Variants in RYR1 observed in about 807,000 individuals in gnomAD.
RYR1 encodes central core disease of muscle.
A neutral mutation model predicts 583.5 loss-of-function variants in RYR1; 342 were observed. The observed-to-expected ratio is 0.59, with a 90% CI of 0.54 to 0.64. The LOEUF (loss-of-function observed/expected upper bound fraction) is 0.64, where lower values mean the gene tolerates loss of function less well. RYR1 is among the 30% of genes least tolerant of loss of function. The pLI is 0.00. For synonymous variants in RYR1, 2,791 were observed against 2,822.5 expected, an observed-to-expected ratio of 0.99 and a Z score of 0.35; for missense variants, 6,032 against 6,917.2, an observed-to-expected ratio of 0.87 and a Z score of 4.54.
At chr19:38,585,373 T>G (rs1056555860) in intron 102 of RYR1, among the ~76,000 whole-genome samples, 9 of 147,622 alleles carry the variant, frequency 6.1e-5, no homozygotes, top group East Asian at 2.0e-4. Flanking sequence ...GCCTGAGATA[T>G]ATATATATAT....
intron 87 of RYR1, among the ~76,000 whole-genome samples, chr19:38,545,776 A>C (rs116072693): frequency 0.034 from 5,181 of 152,268 alleles, 108 homozygotes; most frequent in Non-Finnish European, 0.042. Flanking sequence ...GCGCCATTAC[A>C]TTCCGGCCTG....
Position 38,516,082 on chromosome 19 carries a change from TC to T in RYR1, c.9555-3del. The T allele has an allele frequency of 6.5e-7, 1 of 1,547,838 alleles. No individual in the cohort carries two copies. Among genetic ancestry groups the T allele is most frequent in the Non-Finnish European group, 8.7e-7 (1 of 1,145,902 alleles). On this transcript the variant is annotated splice_polypyrimidine_tract_variant and splice_region_variant and intron_variant, in intron 64 of 105. Coordinates refer to ENST00000359596, the MANE Select transcript of RYR1 (RefSeq NM_000540.3). ...GTGGCAGCTAAACACAGCCCCGTCT[TC>T]CAGGCTTCGGCCAGCCCTCGGGGAG...
Position 38,457,505 on chromosome 19 carries a change from C to T in RYR1, c.1800C>T (p.Asp600=), listed in dbSNP as rs374489703. ...DKHGRNHKVL[D]VLCSLCVCNG... is the part of the protein sequence containing the mutation. ...CTGACCTTGACCTCTAGGTCCTGGA[C>T]GTGCTATGCTCCCTGTGTGTGTGTA... is the stretch of plus-strand genomic sequence containing the variant. The change falls in exon 17 of 106, where the codon GAC becomes GAT. Residue 600 remains aspartate, a synonymous_variant. Coordinates refer to ENST00000359596, the MANE Select transcript of RYR1 (RefSeq NM_000540.3). 3.7e-5 allele frequency: 59 copies of T among 1,614,012 alleles called. No individual in the cohort carries two copies. The highest frequency in any genetic ancestry group is 4.0e-5 in the Non-Finnish European group (47 of 1,180,040).
chr19:38,581,331 C>G (rs936019557), intron 101 of RYR1, among the ~76,000 whole-genome samples: 2 of 152,194 alleles, frequency 1.3e-5, no homozygotes, highest in Non-Finnish European at 2.9e-5. Flanking sequence ...CCCGCCTGGG[C>G]CTCCCAAAGT....
intron 1 of RYR1, among the ~76,000 whole-genome samples, chr19:38,437,696 G>A (rs1286161135): frequency 6.6e-6 from 1 of 152,062 alleles, no homozygotes; most frequent in Non-Finnish European, 1.5e-5. Context: ...TGCACCTGTA[G>A]TACCAGCTAC....
chr19:38,514,616 A>T (rs1033497479), intron 63 of RYR1, among the ~76,000 whole-genome samples: 1 of 150,594 alleles, frequency 6.6e-6, no homozygotes, highest in African/African-American at 2.5e-5. Context: ...TGAAAAAGAT[A>T]GCCTAAAATT....
In RYR1 at chr19:38,502,506, G is replaced by C; in HGVS notation, c.7615-1G>C. 1 of 1,590,322 alleles carries C rather than the reference G, an allele frequency of 6.3e-7. No homozygotes were observed. Among genetic ancestry groups the C allele is most frequent in the Non-Finnish European group, 8.5e-7 (1 of 1,172,796 alleles). On this transcript the variant is annotated splice_acceptor_variant, in intron 47 of 105. Coordinates refer to ENST00000359596, the MANE Select transcript of RYR1 (RefSeq NM_000540.3). LOFTEE classifies it high-confidence loss of function. ...CCTGATGTCCTCACCCTGCGCCCTA[G>C]GCCACTTTCAGCACCACCGAGATGG...
Position 38,505,858 on chromosome 19 carries a change from C to A in RYR1, c.8453C>A (p.Ala2818Asp), listed in dbSNP as rs1036459138. 6.2e-7 allele frequency: 1 copy of A among 1,614,010 alleles called. No individual in the cohort carries two copies. Among genetic ancestry groups the A allele is most frequent in the Admixed American group, 1.7e-5 (1 of 59,988 alleles). ...PIKESLKAMI[A>D]WEWTIEKARE... is the part of the protein sequence containing the mutation. ...AAGGAGTCCCTGAAGGCCATGATTG[C>A]CTGGGAATGGACGATAGAGAAGGCC... Residue 2818 changes from alanine (A) to aspartate (D), a missense_variant, in exon 54 of 106, where the codon GCC becomes GAC. This residue lies in a region of RYR1 where 1,493 missense variants were observed against 1,715.5 expected (regional missense o/e 0.87). Coordinates refer to ENST00000359596, the MANE Select transcript of RYR1 (RefSeq NM_000540.3).
At chr19:38,530,646 CAG>C (rs920392274) in intron 76 of RYR1, among the ~76,000 whole-genome samples, 3 of 152,108 alleles carry the variant, frequency 2.0e-5, no homozygotes, top group African/African-American at 4.8e-5. Context: ...GGGACACTGA[CAG>C]GGGCCCAGGG....
rs138163177 is a variant in RYR1, at chr19:38,472,400, C to T, written c.3766-977C>T. On this transcript the variant is annotated intron_variant, in intron 27 of 105. Transcript: ENST00000359596. ...ACAGGCATGAGCCACTGCGCCCTGT[C>T]GCTATTTGTGGAATTGTAACTGAAC... Among the ~76,000 whole-genome samples, 10 of 152,234 alleles carry T rather than the reference C, an allele frequency of 6.6e-5. No individual in the cohort carries two copies. The East Asian group carries it at 1.4e-3, about 21-fold the overall frequency.
At chr19:38,488,892 A>T (rs531101625) in intron 34 of RYR1, among the ~76,000 whole-genome samples, 1 of 152,358 alleles carries the variant, frequency 6.6e-6, no homozygotes, top group South Asian at 2.1e-4. Context: ...GACACAGCAC[A>T]TGCTTAGGCT....
At chr19:38,508,614 TG>T (rs1368667185) in intron 58 of RYR1, among the ~76,000 whole-genome samples, 1 of 152,102 alleles carries the variant, frequency 6.6e-6, no homozygotes, top group African/African-American at 2.4e-5. Flanking sequence ...TGTGGACCTC[TG>T]GGGGCATCTG....
intron 84 of RYR1, chr19:38,538,745 CTT>C (rs1972081045): frequency 1.3e-5 from 2 of 152,200 alleles, no homozygotes; most frequent in African/African-American, 4.8e-5. Context: ...TCTTTCCTAT[CTT>C]AAGCAAGAGT....
intron 99 of RYR1, 42 bp from the exon 100 acceptor site, chr19:38,579,940 G>T: frequency 6.2e-7 from 1 of 1,613,720 alleles, no homozygotes; most frequent in Non-Finnish European, 8.5e-7. Flanking sequence ...CTCCTCGTGT[G>T]TCCCTGCCTT....
chr19:38,565,797 G>A lies in RYR1; in HGVS notation c.13437+26G>A. 1 of 1,377,670 alleles carries A rather than the reference G, an allele frequency of 7.3e-7. No individual in the cohort carries two copies. The allele number at this position is 1,377,670 out of a possible 1,614,324, so 85.3% of individuals were successfully genotyped here. ...GTGAGAGAGCAGGCGGGGTTTTGGG[G>A]TTTTGGAAAGATGGGGGATTGGAGG... On this transcript the variant is annotated intron_variant, in intron 91 of 105. Coordinates refer to ENST00000359596, the MANE Select transcript of RYR1 (RefSeq NM_000540.3). The surrounding 1 kb of genome is among the most constrained non-coding windows in gnomAD (Gnocchi z 4.7).
At position 38,584,838 on chromosome 19, in the gene RYR1, C is replaced by G. The variant is rs1197014353; in HGVS notation, c.14647-105C>G. 4 of 1,371,996 alleles carry G rather than the reference C, an allele frequency of 2.9e-6. No individual in the cohort carries two copies. The East Asian group carries it at 9.6e-5, about 33-fold the overall frequency. 85.0% of individuals were successfully genotyped at this position (1,371,996 alleles called of 1,614,324 possible). On this transcript the variant is annotated intron_variant, in intron 101 of 105. Transcript: ENST00000359596. ...AGCCCTTTGAGGGCAGGGCCCAGGG[C>G]TGTCTCAGTCGTTACCATGTCTTCA...
intron 49 of RYR1, among the ~76,000 whole-genome samples, chr19:38,503,714 A>C (rs1970306689): frequency 6.6e-6 from 1 of 151,828 alleles, no homozygotes. Context: ...CGGAGGTTGC[A>C]GTGAGCCGAG....
rs765279726 is a variant in RYR1 at position 38,500,065 on chromosome 19, G to A, written c.7323+49G>A. The A allele has an allele frequency of 5.2e-6, 8 of 1,526,212 alleles. No individual in the cohort carries two copies. The highest frequency in any genetic ancestry group is 1.7e-5 in the Admixed American group (1 of 59,410). The allele number at this position is 1,526,212 out of a possible 1,614,324, so 94.5% of individuals were successfully genotyped here. ...ATGGGAAGGGAGGGCAGGCACAGCC[G>A]CTTTGAACGCCTCATGCAGGCACTC... is the stretch of plus-strand genomic sequence containing the variant. On this transcript the variant is annotated intron_variant, in intron 45 of 105. Transcript: ENST00000359596. This position sits in a 1 kb window ranked among gnomAD's most constrained non-coding sequence, Gnocchi z 5.9.
At chr19:38,443,415 T>A (rs1408379075) in intron 3 of RYR1, 143 bp from the exon 4 acceptor site, 1 of 721,066 alleles carries the variant, frequency 1.4e-6, no homozygotes, top group African/African-American at 1.7e-5. Context: ...CCTGCAGGAG[T>A]CTGAGCTGAG....
Sources: gnomAD v4.1 joint callset for allele counts (sites outside exome capture counted in the v4.1 genomes callset) on GRCh38, gnomAD v4.1.1 for gene constraint, gnomAD v4.1.1 regional missense constraint, Gnocchi (gnomAD v3.1) non-coding constraint, MANE v1.5 for transcripts, NCBI Gene and HGNC (gene_info 2026-07-23, HGNC 2026-07-21) for gene names.